Variants in LYST observed in about 807,000 individuals in gnomAD.
The protein encoded by LYST is lysosomal trafficking regulator.
LYST carries 192 observed loss-of-function variants against 413.6 expected under a neutral mutation model. That is an observed-to-expected ratio of 0.46 (90% CI 0.41 to 0.52). LYST has a LOEUF of 0.52. LYST is among the 20% of genes least tolerant of loss of function. LYST has a pLI of 0.00. For synonymous variants in LYST, 1,525 were observed against 1,567.3 expected (o/e 0.97, Z 0.64); for missense variants, 3,815 against 4,499.9 (o/e 0.85, Z 4.35).
In LYST at chr1:235,662,241, G is replaced by C. The variant is rs1032137549; in HGVS notation, c.*699C>G. On this transcript the variant is annotated 3_prime_UTR_variant, in exon 53 of 53. Coordinates refer to ENST00000389793, the MANE Select transcript of LYST (RefSeq NM_000081.4). ...AGATTTTAAGTAAAATTTTTATGAA[G>C]AAACAGAATGTGTCTGAAATCCAAG... 1.1e-4 allele frequency: 17 copies of C among 152,650 alleles called. No individual in the cohort carries two copies. The highest frequency in any genetic ancestry group is 4.1e-4 in the African/African-American group (17 of 41,432). 9.5% of individuals were successfully genotyped at this position (152,650 alleles called of 1,614,324 possible). A position where few individuals can be genotyped will look rare whatever the true frequency, so the allele number is the denominator to read the frequency against.
At chr1:235,703,024 A>G (rs1427064805) in intron 44 of LYST, 47 bp from the exon 45 acceptor site, 1 of 1,288,472 alleles carries the variant, frequency 7.8e-7, no homozygotes, top group South Asian at 1.2e-5. Flanking sequence ...AGTAAAAAGA[A>G]AGACTTGACA....
At chr1:235,830,683 TG>T (rs1558312795) in intron 2 of LYST, among the ~76,000 whole-genome samples, 1 of 152,186 alleles carries the variant, frequency 6.6e-6, no homozygotes, top group East Asian at 1.9e-4. Context: ...AGCACCTGGA[TG>T]GAAAACATTT....
chr1:235,867,157 G>A (rs888721623), upstream of LYST, among the ~76,000 whole-genome samples: 2 of 152,214 alleles, frequency 1.3e-5, no homozygotes, highest in Admixed American at 6.5e-5. Flanking sequence ...GCTGCAGCCG[G>A]GGCCCGGTCT....
intron 1 of LYST, 138 bp downstream of exon 1, chr1:235,866,705 G>T (rs1680573463): frequency 6.7e-6 from 1 of 149,322 alleles, no homozygotes; most frequent in Admixed American, 6.6e-5. Context: ...GCGCCCTCGC[G>T]CCCTCAGCCC....
At position 235,806,694 on chromosome 1, in the gene LYST, A is replaced by G. The variant is rs377213567; in HGVS notation, c.2442T>C (p.Ser814=). The G allele has an allele frequency of 6.2e-7, 1 of 1,613,416 alleles. No individual in the cohort carries two copies. The change falls in exon 6 of 53, where the codon AGT becomes AGC. Residue 814 remains serine (S), a synonymous_variant. Transcript: ENST00000389793. The part of the protein sequence containing the change: ...IELNCLNGIR[S]HSLKAFETLI... ...GAGTTTCAAATGCTTTTAGAGAATG[A>G]CTTCGAATACCATTTAAGCAATTTA...
Position 235,863,150 on chromosome 1 carries a change from T to C in LYST, c.-98+3693A>G, listed in dbSNP as rs78568005. Among the ~76,000 whole-genome samples, 1,256 of 152,110 alleles carry C rather than the reference T, an allele frequency of 8.3e-3. 8 individuals are homozygous for C. The highest frequency in any genetic ancestry group is 0.018 in the South Asian group (85 of 4,804). ...GCTCACGCCTGTAATCCAGGCACAG[T>C]TGGGGGCCGAGGAGGGCAGATGATG... On this transcript the variant is annotated intron_variant, in intron 1 of 52. Transcript: ENST00000389793.
chr1:235,768,423 T>A (rs952943733), intron 20 of LYST, among the ~76,000 whole-genome samples: 1 of 152,066 alleles, frequency 6.6e-6, no homozygotes, highest in Non-Finnish European at 1.5e-5. Context: ...ACATCCAATA[T>A]ACTACCAATT....
At chr1:235,685,902 C>T (rs755285393) in intron 48 of LYST, among the ~76,000 whole-genome samples, 3 of 151,554 alleles carry the variant, frequency 2.0e-5, no homozygotes, top group African/African-American at 4.8e-5. Flanking sequence ...ACCTGGGAGT[C>T]ACCCTATGCT....
intron 1 of LYST, among the ~76,000 whole-genome samples, chr1:235,878,415 C>T (rs1474062208): frequency 6.6e-6 from 1 of 152,162 alleles, no homozygotes; most frequent in African/African-American, 2.4e-5. Flanking sequence ...TTCTATCCCA[C>T]TCTCCCTGAT....
intron 48 of LYST, among the ~76,000 whole-genome samples, chr1:235,678,813 T>C (rs761071378): frequency 3.3e-5 from 5 of 152,198 alleles, no homozygotes; most frequent in African/African-American, 1.2e-4. Context: ...TATGTTACTA[T>C]AGCCATAAAC....
rs1214471745 is a variant in LYST, at chr1:235,677,202, G to T, written c.10941-14C>A. ...ACATAGCATAACCTGAAAGAAAAAAGACATGAATTTGTATATGATCATTAA... is the reference window on the plus strand; with the variant it reads ...ACATAGCATAACCTGAAAGAAAAAATACATGAATTTGTATATGATCATTAA... On this transcript the variant is annotated splice_polypyrimidine_tract_variant and intron_variant, in intron 49 of 52. Coordinates refer to ENST00000389793, the MANE Select transcript of LYST (RefSeq NM_000081.4). The T allele has an allele frequency of 6.4e-7, 1 of 1,571,770 alleles. No individual in the cohort carries two copies. The highest frequency in any genetic ancestry group is 8.8e-7 in the Non-Finnish European group (1 of 1,141,568).
Position 235,809,914 on chromosome 1 carries a change from G to T in LYST, c.904C>A (p.Leu302Met), listed in dbSNP as rs778392416. 31 of 1,613,892 alleles carry T rather than the reference G, an allele frequency of 1.9e-5. No individual in the cohort carries two copies. Among genetic ancestry groups the T allele is most frequent in the Non-Finnish European group, 2.4e-5 (28 of 1,180,000 alleles). The change falls in exon 5 of 53, where the codon CTG (leucine) becomes ATG (methionine). Residue 302 changes from leucine to methionine, a missense_variant. Leu to Met is a conservative substitution (Grantham distance 15). Coordinates refer to ENST00000389793, the MANE Select transcript of LYST (RefSeq NM_000081.4). This position sits in a 1 kb window ranked among gnomAD's most constrained non-coding sequence, Gnocchi z 4.0. The part of the protein sequence containing the change: ...FLAGFGDCCS[L>M]SDNLESRVVS... ...ACTCGACTCTCCAAGTTGTCGCTCA[G>T]ACTGCAGCAGTCCCCAAAGCCTGCT...
Position 235,678,935 on chromosome 1 carries a change from C to A in LYST, c.10801-1316G>T, listed in dbSNP as rs995543710. Among the ~76,000 whole-genome samples, 6 of 152,166 alleles carry A rather than the reference C, an allele frequency of 3.9e-5. No individual in the cohort carries two copies. The South Asian group carries it at 1.0e-3, about 26-fold the overall frequency. On this transcript the variant is annotated intron_variant, in intron 48 of 52. Coordinates refer to ENST00000389793, the MANE Select transcript of LYST (RefSeq NM_000081.4). ...TGCATCTTACCTTTTCTCAAAAACACCATTGTTTTTGAAATATATCTGTGT... is the reference window on the plus strand; with the variant it reads ...TGCATCTTACCTTTTCTCAAAAACAACATTGTTTTTGAAATATATCTGTGT...
At chr1:235,873,686 C>T (rs1294260105) in intron 1 of LYST, among the ~76,000 whole-genome samples, 2 of 152,196 alleles carry the variant, frequency 1.3e-5, no homozygotes, top group Non-Finnish European at 2.9e-5. Context: ...ATTTTGACAG[C>T]CAGTATTTGT....
At chr1:235,864,792 G>A (rs772984955) in intron 1 of LYST, among the ~76,000 whole-genome samples, 3 of 152,136 alleles carry the variant, frequency 2.0e-5, no homozygotes, top group Non-Finnish European at 2.9e-5. Context: ...AAGCATGGTG[G>A]GTGATGTGTG....
intron 48 of LYST, among the ~76,000 whole-genome samples, chr1:235,685,217 T>C (rs748317357): frequency 2.0e-5 from 3 of 152,204 alleles, no homozygotes; most frequent in Non-Finnish European, 4.4e-5. Flanking sequence ...GATGTCCTTC[T>C]TCTGTGGTCC....
intron 28 of LYST, among the ~76,000 whole-genome samples, chr1:235,750,697 G>C (rs1364843855): frequency 2.6e-5 from 4 of 151,990 alleles, no homozygotes; most frequent in Non-Finnish European, 5.9e-5. Flanking sequence ...ATTATTTGAT[G>C]ACATTCTTCC....
At chr1:235,825,509 A>G (rs1675227033) in intron 3 of LYST, among the ~76,000 whole-genome samples, 2 of 152,252 alleles carry the variant, frequency 1.3e-5, no homozygotes, top group Non-Finnish European at 2.9e-5. Flanking sequence ...CACAAGATCA[A>G]CATACGAAAA....
At chr1:235,670,431 C>T (rs898157112) in intron 50 of LYST, among the ~76,000 whole-genome samples, 3 of 152,194 alleles carry the variant, frequency 2.0e-5, no homozygotes, top group Non-Finnish European at 4.4e-5. Context: ...AGGCACTGAG[C>T]ACTTGTTTCT....
Sources: gnomAD v4.1 joint callset for allele counts (sites outside exome capture counted in the v4.1 genomes callset) on GRCh38, gnomAD v4.1.1 for gene constraint, Gnocchi (gnomAD v3.1) non-coding constraint, MANE v1.5 for transcripts, NCBI Gene and HGNC (gene_info 2026-07-23, HGNC 2026-07-21) for gene names.